The following CACHD1 variants were observed in gnomAD, a reference collection of about 807,000 sequenced individuals.
The protein encoded by CACHD1 is cache domain containing 1.
A neutral mutation model predicts 138.7 loss-of-function variants in CACHD1; 71 were observed. The observed-to-expected ratio is 0.51, with a 90% CI of 0.42 to 0.62. The LOEUF is 0.62. CACHD1 is among the 20% of genes least tolerant of loss of function. The probability of loss-of-function intolerance (pLI) is 0.00; values close to 1 mark genes in which losing one functional copy is unlikely to be tolerated. For missense variants in CACHD1, 1,389 were observed against 1,625.3 expected, an observed-to-expected ratio of 0.85 and a Z score of 2.50; for synonymous variants, 578 against 591.5, an observed-to-expected ratio of 0.98 and a Z score of 0.33.
intron 1 of CACHD1, among the ~76,000 whole-genome samples, chr1:64,475,171 C>CTTTTTTTTTTT (rs3078373): frequency 3.2e-5 from 4 of 124,286 alleles, no homozygotes; most frequent in Non-Finnish European, 4.8e-5. Context: ...AAATTCCTTC[C>CTTTTTTTTTTT]TTTTTTTTTT....
At chr1:64,581,742 G>A (rs1013751486) in intron 2 of CACHD1, among the ~76,000 whole-genome samples, 14 of 152,116 alleles carry the variant, frequency 9.2e-5, no homozygotes, top group African/African-American at 2.4e-4. Context: ...TTGAAAAACC[G>A]TGAACCCAGA....
At chr1:64,505,737 G>A (rs12143487) in intron 1 of CACHD1, among the ~76,000 whole-genome samples, 3 of 85,954 alleles carry the variant, frequency 3.5e-5, no homozygotes, top group Non-Finnish European at 6.8e-5. Flanking sequence ...TCTTGGCTGC[G>A]CCCCGCCCCG....
chr1:64,518,696 AG>A (rs1646476787), intron 1 of CACHD1, among the ~76,000 whole-genome samples: 2 of 152,178 alleles, frequency 1.3e-5, no homozygotes, highest in African/African-American at 2.4e-5. Context: ...ATAGGAAGAA[AG>A]TAAGGTATAT....
At chr1:64,618,367 G>A (rs1647787931) in intron 4 of CACHD1, among the ~76,000 whole-genome samples, 1 of 151,896 alleles carries the variant, frequency 6.6e-6, no homozygotes, top group Non-Finnish European at 1.5e-5. Flanking sequence ...TTCCACAATA[G>A]TGTGGTCCCA....
intron 2 of CACHD1, among the ~76,000 whole-genome samples, chr1:64,573,083 G>A (rs1040681723): frequency 2.6e-5 from 4 of 152,116 alleles, no homozygotes; most frequent in Non-Finnish European, 5.9e-5. Context: ...CTCTTTTGGG[G>A]GCAAGTATGG....
chr1:64,670,810 G>A (rs1649787610), intron 16 of CACHD1, among the ~76,000 whole-genome samples: 1 of 152,176 alleles, frequency 6.6e-6, no homozygotes, highest in Admixed American at 6.6e-5. Context: ...ATTTTCAGGT[G>A]AGAAAACTGA....
At chr1:64,585,608 G>T (rs1647045633) in intron 3 of CACHD1, among the ~76,000 whole-genome samples, 3 of 152,184 alleles carry the variant, frequency 2.0e-5, no homozygotes, top group African/African-American at 7.2e-5. Context: ...GGTGGATATT[G>T]GAAAACCAAA....
At chr1:64,557,403 A>T (rs932303499) in intron 2 of CACHD1, among the ~76,000 whole-genome samples, 1 of 152,178 alleles carries the variant, frequency 6.6e-6, no homozygotes, top group Non-Finnish European at 1.5e-5. Context: ...ATGAAATTGC[A>T]AACATATTTT....
chr1:64,569,129 C>T (rs958669077), intron 2 of CACHD1, among the ~76,000 whole-genome samples: 1 of 152,056 alleles, frequency 6.6e-6, no homozygotes, highest in African/African-American at 2.4e-5. Context: ...CCATGTTGGT[C>T]ATGCTGGTCT....
At chr1:64,595,826 G>T (rs953699944) in intron 3 of CACHD1, among the ~76,000 whole-genome samples, 2 of 152,152 alleles carry the variant, frequency 1.3e-5, no homozygotes, top group Non-Finnish European at 2.9e-5. Flanking sequence ...AATATGGTTG[G>T]TCTGTGTGAT....
At chr1:64,535,588 G>T (rs1646626259) in intron 1 of CACHD1, among the ~76,000 whole-genome samples, 1 of 152,130 alleles carries the variant, frequency 6.6e-6, no homozygotes, top group Admixed American at 6.5e-5. Context: ...GCCTCCCAAA[G>T]TGTTGGGATT....
chr1:64,678,982 T>G (rs1650082111), intron 23 of CACHD1, among the ~76,000 whole-genome samples: 1 of 152,174 alleles, frequency 6.6e-6, no homozygotes. Context: ...ATTTTTAACA[T>G]CACTTACATC....
At chr1:64,667,217 C>A (rs1477501460) in intron 16 of CACHD1, among the ~76,000 whole-genome samples, 1 of 152,166 alleles carries the variant, frequency 6.6e-6, no homozygotes, top group Non-Finnish European at 1.5e-5. Flanking sequence ...CAAGAAAGAT[C>A]ATATTTTGAC....
At chr1:64,630,034 A>G (rs1422704384) in intron 5 of CACHD1, among the ~76,000 whole-genome samples, 1 of 152,210 alleles carries the variant, frequency 6.6e-6, no homozygotes, top group Non-Finnish European at 1.5e-5. Flanking sequence ...CAGAAGGGCA[A>G]TAATGGTGAG....
chr1:64,505,070 T>C (rs939952880), intron 1 of CACHD1, among the ~76,000 whole-genome samples: 3 of 152,216 alleles, frequency 2.0e-5, no homozygotes, highest in African/African-American at 4.8e-5. Flanking sequence ...GAACATTTAT[T>C]TTCTGGATGT....
At chr1:64,506,274 T>A (rs1211178194) in intron 1 of CACHD1, 2 of 152,208 alleles carry the variant, frequency 1.3e-5, no homozygotes, top group Non-Finnish European at 2.9e-5. Flanking sequence ...AATAAAAAAT[T>A]CAGAGAGGCC....
At chr1:64,629,307 T>A (rs747257367) in intron 4 of CACHD1, 48 bp from the exon 5 acceptor site, 3 of 1,601,930 alleles carry the variant, frequency 1.9e-6, no homozygotes, top group Non-Finnish European at 2.6e-6. Context: ...AGTGCCTGCA[T>A]GCACCTGTGG....
chr1:64,540,577 C>T lies in CACHD1; in HGVS notation c.199-10017C>T, dbSNP rs986302134. ...ACAAAAACTCAGTAACCCTTCAGAA[C>T]CTTTATTGCATTTAGGGAAGTGTTT... On this transcript the variant is annotated intron_variant, in intron 1 of 26. Coordinates refer to ENST00000651257, the MANE Select transcript of CACHD1 (RefSeq NM_020925.4). 9.8e-5 allele frequency among the ~76,000 whole-genome samples: 15 copies of T among 152,296 alleles called. 5 individuals are homozygous for T.
intron 17 of CACHD1, 104 bp from the exon 18 acceptor site, chr1:64,673,054 A>T (rs1649865792): frequency 5.4e-6 from 5 of 931,522 alleles, no homozygotes; most frequent in Non-Finnish European, 1.7e-6. Context: ...ACCTGGGATA[A>T]ATGCAGTTTG....
Sources: allele counts gnomAD v4.1 joint callset (sites outside exome capture counted in the v4.1 genomes callset), GRCh38; gene constraint gnomAD v4.1.1; transcripts MANE v1.5; gene names NCBI Gene and HGNC (gene_info 2026-07-23, HGNC 2026-07-21).